Variants in PKHD1 observed in about 807,000 individuals in gnomAD.
PKHD1 encodes the protein fibrocystin.
PKHD1 carries 291 observed loss-of-function variants against 412.0 expected under a neutral mutation model. The ratio of observed to expected loss-of-function variants is 0.71; its 90% CI spans 0.64 to 0.78. PKHD1 has a LOEUF of 0.78. PKHD1 is among the 30% of genes least tolerant of loss of function. The pLI is 0.00. For synonymous variants in PKHD1, 1,777 were observed against 1,821.5 expected, an observed-to-expected ratio of 0.98 and a Z score of 0.62; for missense variants, 4,825 against 4,950.7, an observed-to-expected ratio of 0.97 and a Z score of 0.76.
intron 1 of PKHD1, among the ~76,000 whole-genome samples, chr6:52,085,928 T>C (rs184860310): frequency 6.6e-6 from 1 of 152,080 alleles, no homozygotes; most frequent in East Asian, 1.9e-4. Flanking sequence ...CTCTTAAAAA[T>C]AGTGCCTCTG....
At chr6:51,626,387 C>T (rs1332751026) in intron 66 of PKHD1, among the ~76,000 whole-genome samples, 1 of 152,210 alleles carries the variant, frequency 6.6e-6, no homozygotes, top group Non-Finnish European at 1.5e-5. Flanking sequence ...CTATTTGCAG[C>T]ATTCTTAGTA....
At chr6:52,014,356 G>A (rs950621116) in intron 34 of PKHD1, among the ~76,000 whole-genome samples, 20 of 152,168 alleles carry the variant, frequency 1.3e-4, no homozygotes, top group African/African-American at 2.9e-4. Context: ...ATCACAACAC[G>A]TGATCATCCT....
chr6:51,743,752 C>A (rs1029247717), intron 60 of PKHD1, among the ~76,000 whole-genome samples: 6 of 152,090 alleles, frequency 3.9e-5, no homozygotes, highest in Admixed American at 3.9e-4. Flanking sequence ...TACATTTGAC[C>A]GGAGCAGGTT....
rs1458082231 is a variant in PKHD1 at position 51,619,316 on chromosome 6, C to T, written c.11990G>A (p.Gly3997Glu). The T allele has an allele frequency of 1.9e-6, 3 of 1,614,276 alleles. No individual in the cohort carries two copies. Among genetic ancestry groups the T allele is most frequent in the Non-Finnish European group, 2.5e-6 (3 of 1,180,036 alleles). The change falls in exon 67 of 67, where the codon GGG (glycine) becomes GAG (glutamate). Residue 3997 changes from glycine to glutamate, a missense_variant. By Grantham distance (98) the Gly-to-Glu change is moderately conservative. Coordinates refer to ENST00000371117, the MANE Select transcript of PKHD1 (RefSeq NM_138694.4). ...CTGCTCTTGGCCCTCCTTCCAGTTCCCAGTCTCTTGCAGGTACACCTGCTG... is the reference window on the plus strand; with the variant it reads ...CTGCTCTTGGCCCTCCTTCCAGTTCTCAGTCTCTTGCAGGTACACCTGCTG... Reference protein sequence around the residue: ...PAQQVYLQETGNWKEGQEQLL... With the variant: ...PAQQVYLQETENWKEGQEQLL...
intron 35 of PKHD1, among the ~76,000 whole-genome samples, chr6:51,980,833 C>CT (rs1795046917): frequency 6.6e-6 from 1 of 152,178 alleles, no homozygotes; most frequent in African/African-American, 2.4e-5. Context: ...TATTATAACC[C>CT]TTTATCTGTG....
chr6:52,038,034 G>A (rs1220982676), intron 27 of PKHD1, among the ~76,000 whole-genome samples: 1 of 151,992 alleles, frequency 6.6e-6, no homozygotes, highest in East Asian at 1.9e-4. Context: ...CTAAGATGAG[G>A]TCACACTAAA....
At chr6:51,899,345 T>A (rs993701029) in intron 43 of PKHD1, among the ~76,000 whole-genome samples, 8 of 151,946 alleles carry the variant, frequency 5.3e-5, no homozygotes, top group African/African-American at 1.7e-4. Context: ...ATCCCTGGGA[T>A]GCAAGGCTGG....
chr6:51,783,284 T>G (rs10807430), intron 53 of PKHD1, among the ~76,000 whole-genome samples: 88,846 of 151,568 alleles, frequency 0.59, 26,798 homozygotes, highest in East Asian at 0.83. Context: ...ATCAAGGAGG[T>G]TTCTATTAAA....
At chr6:52,020,428 T>C (rs1181791831) in intron 33 of PKHD1, among the ~76,000 whole-genome samples, 1 of 152,194 alleles carries the variant, frequency 6.6e-6, no homozygotes, top group Non-Finnish European at 1.5e-5. Context: ...GCTTCCTCAT[T>C]TGGGGCTTCA....
rs370608473 is a variant in PKHD1 at position 52,025,356 on chromosome 6, C to T, written c.4454G>A (p.Ser1485Asn). 1.2e-5 allele frequency: 19 copies of T among 1,613,872 alleles called. No individual in the cohort carries two copies. In the African/African-American group the frequency reaches 1.5e-4, roughly 12 times the overall value. ...TGTGGACAAGGCATCCATGACAGGA[C>T]TTGCCTCTTCCCTTATGAAAAGAGT... ...NCTLFIREEA[S>N]PVMDALSTNT... Residue 1485 changes from serine (S) to asparagine (N), a missense_variant, in exon 32 of 67, where the codon AGT (serine) becomes AAT (asparagine). By Grantham distance (46) the Ser-to-Asn change is conservative. Coordinates refer to ENST00000371117, the MANE Select transcript of PKHD1 (RefSeq NM_138694.4).
intron 46 of PKHD1, among the ~76,000 whole-genome samples, chr6:51,871,751 T>G (rs1776011195): frequency 8.4e-6 from 1 of 118,996 alleles, no homozygotes; most frequent in Non-Finnish European, 2.1e-5. Context: ...AAAATCTCTT[T>G]GACAAACACT....
intron 60 of PKHD1, among the ~76,000 whole-genome samples, chr6:51,682,960 G>C (rs2150574239): frequency 6.6e-6 from 1 of 152,086 alleles, no homozygotes; most frequent in East Asian, 1.9e-4. Flanking sequence ...ATGTCTGGGA[G>C]ACATGGCAGG....
chr6:51,647,813 G>T (rs962295568), intron 63 of PKHD1, among the ~76,000 whole-genome samples: 1 of 152,162 alleles, frequency 6.6e-6, no homozygotes, highest in Non-Finnish European at 1.5e-5. Flanking sequence ...TTGTGAAAGG[G>T]AAGGGAGAGA....
At chr6:51,812,832 C>A (rs1764903761) in intron 52 of PKHD1, among the ~76,000 whole-genome samples, 1 of 152,142 alleles carries the variant, frequency 6.6e-6, no homozygotes, top group Non-Finnish European at 1.5e-5. Flanking sequence ...AGGGTAGTCA[C>A]CTAAAGACTT....
At position 52,026,008 on chromosome 6, in the gene PKHD1, C is replaced by T. The variant is rs1362907319; in HGVS notation, c.3802G>A (p.Ala1268Thr). ...PDAGAPTVPA[A>T]VEVWAGNRFF... ...CTGTTGCCAGCCCAGACCTCCACGG[C>T]AGCTGGAACAGTGGGAGCGCCCGCA... The change falls in exon 32 of 67, where the codon GCC becomes ACC. Residue 1268 changes from alanine to threonine, a missense_variant. By Grantham distance (58) the Ala-to-Thr change is moderately conservative. Coordinates refer to ENST00000371117, the MANE Select transcript of PKHD1 (RefSeq NM_138694.4). 6.2e-7 allele frequency: 1 copy of T among 1,614,010 alleles called. No individual in the cohort carries two copies.
At position 51,993,789 on chromosome 6, in the gene PKHD1, TCAGC is replaced by T. The variant is rs199779865; in HGVS notation, c.5751+16516_5751+16519del. The stretch of plus-strand genomic sequence containing the variant: ...CGATAGTTTAGGGAGGAAATTGTAC[TCAGC>T]CAGACTGGAGAAGAAAACTTCCTTG... On this transcript the variant is annotated intron_variant, in intron 35 of 66. Coordinates refer to ENST00000371117, the MANE Select transcript of PKHD1 (RefSeq NM_138694.4). 7.5e-3 allele frequency among the ~76,000 whole-genome samples: 1,142 copies of T among 152,278 alleles called. 14 individuals carry two copies. Among genetic ancestry groups the T allele is most frequent in the African/African-American group, 0.025 (1,058 of 41,530 alleles).
chr6:51,841,323 T>C (rs1228236799), intron 50 of PKHD1, among the ~76,000 whole-genome samples: 1 of 152,246 alleles, frequency 6.6e-6, no homozygotes, highest in Non-Finnish European at 1.5e-5. Flanking sequence ...ATTAACTCCT[T>C]AACCTGAGTG....
At chr6:51,940,313 T>C (rs545015896) in intron 36 of PKHD1, among the ~76,000 whole-genome samples, 20 of 151,820 alleles carry the variant, frequency 1.3e-4, no homozygotes, top group Non-Finnish European at 3.0e-4. Flanking sequence ...GGCAGCCAAG[T>C]AGCAATGTAT....
intron 53 of PKHD1, among the ~76,000 whole-genome samples, chr6:51,784,556 CATATTT>C (rs1426853603): frequency 2.0e-5 from 3 of 152,224 alleles, no homozygotes; most frequent in African/African-American, 7.2e-5. Flanking sequence ...CTGGAATTTC[CATATTT>C]ATGAAGCTAA....
Sources: gnomAD v4.1 joint callset for allele counts (sites outside exome capture counted in the v4.1 genomes callset) on GRCh38, gnomAD v4.1.1 for gene constraint, MANE v1.5 for transcripts, NCBI Gene and HGNC (gene_info 2026-07-23, HGNC 2026-07-21) for gene names.